Variants in FTO observed in about 807,000 individuals in gnomAD.
FTO encodes the protein FTO alpha-ketoglutarate dependent dioxygenase.
FTO carries 47 observed loss-of-function variants against 63.9 expected under a neutral mutation model. That is an observed-to-expected ratio of 0.74 (90% CI 0.58 to 0.94). The LOEUF is 0.94. Among genes scored for constraint, FTO ranks in the 40% least tolerant of loss-of-function variants. The pLI is 0.00. For synonymous variants in FTO, 207 were observed against 224.4 expected, an observed-to-expected ratio of 0.92 and a Z score of 0.69; for missense variants, 562 against 618.1, an observed-to-expected ratio of 0.91 and a Z score of 0.96.
intron 8 of FTO, chr16:53,937,193 C>G (rs2082409537): frequency 2.5e-6 from 1 of 398,550 alleles, no homozygotes; most frequent in Middle Eastern, 6.3e-4. Flanking sequence ...GCTTCGTAAT[C>G]CCATAAACAA....
intron 1 of FTO, among the ~76,000 whole-genome samples, chr16:53,744,856 A>G (rs1486133010): frequency 6.7e-6 from 1 of 148,868 alleles, no homozygotes; most frequent in East Asian, 2.0e-4. Context: ...CTCATTGTAG[A>G]GCTCCTACCG....
intron 4 of FTO, among the ~76,000 whole-genome samples, chr16:53,863,892 A>G (rs2080239961): frequency 6.6e-6 from 1 of 152,172 alleles, no homozygotes. Context: ...AATTCCACCT[A>G]TACTATATTC....
intron 4 of FTO, among the ~76,000 whole-genome samples, chr16:53,864,493 G>A (rs577545658): frequency 6.6e-6 from 1 of 152,244 alleles, no homozygotes; most frequent in East Asian, 1.9e-4. Flanking sequence ...TTGCTTCTGT[G>A]GTCTTTTATA....
intron 4 of FTO, among the ~76,000 whole-genome samples, chr16:53,850,232 G>T (rs953032957): frequency 2.0e-5 from 3 of 152,116 alleles, no homozygotes; most frequent in African/African-American, 7.2e-5. Flanking sequence ...TTTTCACTTT[G>T]AAAAGTAGAA....
In FTO at chr16:53,999,610, G is replaced by A. The variant is rs564630193; in HGVS notation, c.1364+65501G>A. ...TTTTTTGCTTGGTAGTCCCTGAACA[G>A]TTATTAAAGACCCCATGGAAGCAGA... On this transcript the variant is annotated intron_variant, in intron 8 of 8. Coordinates refer to ENST00000471389, the MANE Select transcript of FTO (RefSeq NM_001080432.3). 5 of 152,316 alleles carry A rather than the reference G, an allele frequency of 3.3e-5. No homozygotes were observed. The South Asian group carries it at 1.0e-3, about 32-fold the overall frequency. The allele number at this position is 152,316 out of a possible 1,614,324, so 9.4% of individuals were successfully genotyped here. A position where few individuals can be genotyped will look rare whatever the true frequency, so the allele number is the denominator to read the frequency against.
chr16:53,747,509 C>A (rs191662652), intron 1 of FTO, among the ~76,000 whole-genome samples: 1 of 152,064 alleles, frequency 6.6e-6, no homozygotes, highest in African/African-American at 2.4e-5. Flanking sequence ...TATTCAGGTA[C>A]CTTCCCCATT....
chr16:53,843,939 T>C (rs1396950396), intron 3 of FTO, among the ~76,000 whole-genome samples: 5 of 152,146 alleles, frequency 3.3e-5, no homozygotes, highest in African/African-American at 1.2e-4. Context: ...CGTGAGCCTC[T>C]ACACCTGGCC....
At chr16:53,857,203 T>C (rs1457677694) in intron 4 of FTO, among the ~76,000 whole-genome samples, 2 of 152,184 alleles carry the variant, frequency 1.3e-5, no homozygotes, top group African/African-American at 4.8e-5. Flanking sequence ...GCGTAGTACC[T>C]GATAGATAAT....
chr16:54,070,351 A>T (rs1010592538), intron 8 of FTO: 2 of 152,158 alleles, frequency 1.3e-5, no homozygotes, highest in Non-Finnish European at 2.9e-5. Context: ...CTAAATGGAA[A>T]TTTTTTGAAG....
intron 2 of FTO, among the ~76,000 whole-genome samples, chr16:53,822,526 G>A (rs62033423): frequency 0.38 from 57,316 of 151,924 alleles, 11,208 homozygotes; most frequent in Middle Eastern, 0.51. Flanking sequence ...TCAAGCCACC[G>A]TCACGGTGTT....
rs752080961 is a variant in FTO, at chr16:53,900,608, CTTTTTTTTTTTT to C, written c.1239+11673_1239+11684del. Among the ~76,000 whole-genome samples, 15 of 67,160 alleles carry C rather than the reference CTTTTTTTTTTTT, an allele frequency of 2.2e-4. 1 individual carries two copies. Among genetic ancestry groups the C allele is most frequent in the Non-Finnish European group, 2.8e-4 (11 of 38,612 alleles). The allele number at this position is 67,160 out of a possible 152,430, so 44.1% of individuals were successfully genotyped here. A position where few individuals can be genotyped will look rare whatever the true frequency, so the allele number is the denominator to read the frequency against. On this transcript the variant is annotated intron_variant, in intron 7 of 8. Transcript: ENST00000471389. Reference sequence around the variant, plus strand: ...CAGTCATTTAATCATTCATCTGCTCCTTTTTTTTTTTTTTTTTTTTTTTTTTTGCAGATAAGT... The same window carrying C: ...CAGTCATTTAATCATTCATCTGCTCCTTTTTTTTTTTTTTTGCAGATAAGT...
intron 8 of FTO, among the ~76,000 whole-genome samples, chr16:54,074,956 A>ATGTGT: frequency 7.7e-6 from 1 of 130,632 alleles, no homozygotes; most frequent in South Asian, 2.7e-4. Context: ...GTGTGTGTGT[A>ATGTGT]AACTGTTTTA....
intron 7 of FTO, among the ~76,000 whole-genome samples, chr16:53,932,975 T>C (rs902938927): frequency 1.3e-5 from 2 of 152,148 alleles, no homozygotes; most frequent in Non-Finnish European, 2.9e-5. Context: ...CCTCTAAGAC[T>C]TTATACCATG....
intron 1 of FTO, among the ~76,000 whole-genome samples, chr16:53,754,569 T>C (rs893103130): frequency 2.6e-5 from 4 of 152,100 alleles, no homozygotes; most frequent in Non-Finnish European, 4.4e-5. Flanking sequence ...ACCCGGAAGG[T>C]GGCAGTTGCA....
chr16:54,082,267 C>A (rs1350228553), intron 8 of FTO, among the ~76,000 whole-genome samples: 1 of 152,170 alleles, frequency 6.6e-6, no homozygotes, highest in Non-Finnish European at 1.5e-5. Context: ...CCAGATGTTT[C>A]AAACAGTTTG....
chr16:53,880,438 A>G (rs2080791370), intron 6 of FTO, among the ~76,000 whole-genome samples: 1 of 152,228 alleles, frequency 6.6e-6, no homozygotes, highest in South Asian at 2.1e-4. Flanking sequence ...TATCAATAGC[A>G]GTCACCAGAG....
chr16:53,725,793 C>T (rs1258115798), intron 1 of FTO, among the ~76,000 whole-genome samples: 1 of 151,956 alleles, frequency 6.6e-6, no homozygotes, highest in Admixed American at 6.6e-5. Context: ...CTGGTGTAGA[C>T]CCACACTTTT....
At chr16:54,056,515 G>A (rs186866081) in intron 8 of FTO, among the ~76,000 whole-genome samples, 1 of 152,308 alleles carries the variant, frequency 6.6e-6, no homozygotes, top group East Asian at 1.9e-4. Context: ...AATTGAGTAA[G>A]GGGGAATAAA....
intron 8 of FTO, among the ~76,000 whole-genome samples, chr16:53,987,544 C>G (rs1459005207): frequency 6.7e-6 from 1 of 149,840 alleles, no homozygotes; most frequent in Non-Finnish European, 1.5e-5. Context: ...GATTGCGCCA[C>G]TGCACTCAAG....
Sources: allele counts gnomAD v4.1 joint callset (sites outside exome capture counted in the v4.1 genomes callset), GRCh38; gene constraint gnomAD v4.1.1; transcripts MANE v1.5; gene names NCBI Gene and HGNC (gene_info 2026-07-23, HGNC 2026-07-21).